Variants in STPG2 observed in about 807,000 individuals in gnomAD.
The protein encoded by STPG2 is sperm tail PG-rich repeat containing 2.
Under a neutral mutation model 54.2 loss-of-function variants are expected in STPG2, and 56 were observed. The observed-to-expected ratio is 1.03, with a 90% confidence interval of 0.83 to 1.29. The LOEUF (loss-of-function observed/expected upper bound fraction) is 1.29. STPG2 is among the 50% of genes most tolerant of loss of function. The pLI, the probability that STPG2 is intolerant of heterozygous loss-of-function variation, is 0.00. For missense variants in STPG2, 596 were observed against 544.9 expected (o/e 1.09, Z -0.93); for synonymous variants, 200 against 181.8 (o/e 1.10, Z -0.81).
chr4:97,992,823 T>C (rs765559694), intron 5 of STPG2, among the ~76,000 whole-genome samples: 3 of 152,040 alleles, frequency 2.0e-5, no homozygotes, highest in Non-Finnish European at 4.4e-5. Flanking sequence ...TAGTTAAGTA[T>C]ATACCTAAGT....
chr4:98,029,193 T>C (rs923291814), intron 5 of STPG2, among the ~76,000 whole-genome samples: 36 of 152,186 alleles, frequency 2.4e-4, no homozygotes, highest in African/African-American at 8.0e-4. Context: ...TATAAGTGCT[T>C]ATTAGGTCAC....
intron 10 of STPG2, among the ~76,000 whole-genome samples, chr4:97,698,478 AT>A (rs1723657432): frequency 6.6e-6 from 1 of 152,108 alleles, no homozygotes. Context: ...TTAACTTCCA[AT>A]TTAATGGATT....
intron 10 of STPG2, among the ~76,000 whole-genome samples, chr4:97,614,179 A>C (rs1278491000): frequency 6.6e-6 from 1 of 152,120 alleles, no homozygotes; most frequent in African/African-American, 2.4e-5. Flanking sequence ...CACTTTTTAA[A>C]GTGATAATAC....
At chr4:97,936,307 C>T (rs755257853) in intron 8 of STPG2, among the ~76,000 whole-genome samples, 1 of 152,102 alleles carries the variant, frequency 6.6e-6, no homozygotes. Flanking sequence ...ATACAGCACA[C>T]TGATGATTTG....
intron 8 of STPG2, among the ~76,000 whole-genome samples, chr4:97,864,496 G>A (rs1291525352): frequency 1.8e-4 from 28 of 152,152 alleles, no homozygotes; most frequent in Non-Finnish European, 3.4e-4. Context: ...AATCAATATC[G>A]TGAAAATGGC....
chr4:97,694,831 A>C (rs1723513011), intron 10 of STPG2, among the ~76,000 whole-genome samples: 2 of 147,528 alleles, frequency 1.4e-5, no homozygotes, highest in African/African-American at 4.9e-5. Context: ...AAAAAAAAAA[A>C]AAAAAAAAAA....
At chr4:97,576,430 G>A (rs1306932410) in intron 10 of STPG2, among the ~76,000 whole-genome samples, 1 of 151,920 alleles carries the variant, frequency 6.6e-6, no homozygotes, top group Non-Finnish European at 1.5e-5. Context: ...ACAGACTTAT[G>A]GAACAGAATA....
At chr4:97,667,104 G>A (rs1293774172) in intron 10 of STPG2, among the ~76,000 whole-genome samples, 1 of 152,184 alleles carries the variant, frequency 6.6e-6, no homozygotes, top group African/African-American at 2.4e-5. Flanking sequence ...AATAAAGGAA[G>A]TTAAAAATTG....
intron 5 of STPG2, among the ~76,000 whole-genome samples, chr4:98,090,355 T>C (rs570751522): frequency 6.6e-6 from 1 of 152,088 alleles, no homozygotes; most frequent in Non-Finnish European, 1.5e-5. Context: ...GATTAGTTAG[T>C]TGGCTGTAAG....
chr4:97,541,180 G>A (rs1300652503), intron 4 of STPG2, among the ~76,000 whole-genome samples: 1 of 152,070 alleles, frequency 6.6e-6, no homozygotes, highest in African/African-American at 2.4e-5. Flanking sequence ...AAGTCAAATT[G>A]TCCCTGTTTG....
chr4:97,829,990 C>CTCACTCA (rs1728399478), intron 9 of STPG2, among the ~76,000 whole-genome samples: 1 of 152,132 alleles, frequency 6.6e-6, no homozygotes, highest in South Asian at 2.1e-4. Flanking sequence ...CATAGCAAGA[C>CTCACTCA]AGGCCAACAC....
chr4:97,535,675 C>A (rs925874963), intron 4 of STPG2, among the ~76,000 whole-genome samples: 6 of 152,088 alleles, frequency 3.9e-5, no homozygotes, highest in African/African-American at 1.4e-4. Context: ...TTCAGATATT[C>A]TCTTTTACAT....
chr4:97,651,172 A>G (rs1451081107), intron 10 of STPG2, among the ~76,000 whole-genome samples: 1 of 152,146 alleles, frequency 6.6e-6, no homozygotes, highest in Non-Finnish European at 1.5e-5. Context: ...TAAACCCTGC[A>G]TATCAATAAG....
intron 10 of STPG2, among the ~76,000 whole-genome samples, chr4:97,639,345 G>T (rs1045216493): frequency 6.6e-6 from 1 of 151,852 alleles, no homozygotes; most frequent in Non-Finnish European, 1.5e-5. Context: ...GGACTGTTGT[G>T]GGGTGGGTGG....
At chr4:97,705,380 C>T (rs1018881622) in intron 10 of STPG2, among the ~76,000 whole-genome samples, 3 of 151,684 alleles carry the variant, frequency 2.0e-5, no homozygotes, top group Admixed American at 6.6e-5. Flanking sequence ...GGCTGGAGTG[C>T]AGTGGCGCGA....
intron 8 of STPG2, among the ~76,000 whole-genome samples, chr4:97,845,943 T>G (rs9994227): frequency 0.58 from 88,608 of 151,932 alleles, 26,412 homozygotes; most frequent in East Asian, 0.74. Context: ...AATTTGTGGG[T>G]CTTTTGAAAG....
chr4:97,693,912 G>T (rs1367127816), intron 10 of STPG2, among the ~76,000 whole-genome samples: 1 of 152,110 alleles, frequency 6.6e-6, no homozygotes, highest in African/African-American at 2.4e-5. Flanking sequence ...GCTCCTGAAT[G>T]ATCATTGAGT....
At chr4:97,955,968 T>C (rs1674211789) in intron 7 of STPG2, among the ~76,000 whole-genome samples, 1 of 152,022 alleles carries the variant, frequency 6.6e-6, no homozygotes, top group South Asian at 2.1e-4. Flanking sequence ...CCAGAAGAAA[T>C]GCTAAAGGAA....
intron 8 of STPG2, among the ~76,000 whole-genome samples, chr4:97,886,133 T>G (rs1235363729): frequency 6.6e-6 from 1 of 152,140 alleles, no homozygotes; most frequent in Non-Finnish European, 1.5e-5. Flanking sequence ...GGAAAAAAAT[T>G]TATAGCTACA....
Sources: allele counts gnomAD v4.1 joint callset (sites outside exome capture counted in the v4.1 genomes callset), GRCh38; gene constraint gnomAD v4.1.1; transcripts MANE v1.5; gene names NCBI Gene and HGNC (gene_info 2026-07-23, HGNC 2026-07-21).